PPARGC1A: variants seen among roughly 807,000 people sequenced by gnomAD.
PPARGC1A encodes peroxisome proliferator-activated receptor gamma coactivator 1-alpha.
Under a neutral mutation model 88.7 loss-of-function variants are expected in PPARGC1A, and 25 were observed. That is an observed-to-expected ratio of 0.28 (90% CI 0.21 to 0.39). PPARGC1A has a LOEUF of 0.39. PPARGC1A is among the 10% of genes least tolerant of loss of function. The pLI is 1.00. For synonymous variants in PPARGC1A, 363 were observed against 355.6 expected, an observed-to-expected ratio of 1.02 and a Z score of -0.24; for missense variants, 880 against 968.7, an observed-to-expected ratio of 0.91 and a Z score of 1.22.
chr4:24,101,578 G>T, the PPARGC1A span, among the ~76,000 whole-genome samples: 1 of 151,976 alleles, frequency 6.6e-6, no homozygotes, highest in Non-Finnish European at 1.5e-5. Context: ...AATATCACAC[G>T]TACCCCATAC....
chr4:23,908,396 T>G (rs1016546734), upstream of PPARGC1A, among the ~76,000 whole-genome samples: 2 of 152,004 alleles, frequency 1.3e-5, no homozygotes, highest in African/African-American at 4.8e-5. Flanking sequence ...CTACCCAAAG[T>G]TGAAAATAAG....
chr4:24,154,384 T>C, the PPARGC1A span, among the ~76,000 whole-genome samples: 1 of 152,184 alleles, frequency 6.6e-6, no homozygotes, highest in African/African-American at 2.4e-5. Flanking sequence ...TCAAATAAAT[T>C]AATCAAGCAA....
chr4:24,444,028 CGTTGTTGTTGTTATT>C, the PPARGC1A span, among the ~76,000 whole-genome samples: 3 of 151,954 alleles, frequency 2.0e-5, no homozygotes, highest in South Asian at 2.1e-4. Context: ...GTAATTTCGT[CGTTGTTGTTGTTATT>C]GTTGTTGTTG....
the PPARGC1A span, among the ~76,000 whole-genome samples, chr4:24,056,408 T>C: frequency 6.6e-6 from 1 of 152,232 alleles, no homozygotes; most frequent in East Asian, 1.9e-4. Flanking sequence ...TATTTCTCCT[T>C]TGCTTTGCTT....
chr4:24,063,682 G>T, the PPARGC1A span, among the ~76,000 whole-genome samples: 3 of 152,132 alleles, frequency 2.0e-5, no homozygotes, highest in Non-Finnish European at 4.4e-5. Context: ...TGAGAAAGAG[G>T]AGAGAAGGGG....
the PPARGC1A span, among the ~76,000 whole-genome samples, chr4:24,015,294 A>G: frequency 6.6e-6 from 1 of 151,754 alleles, no homozygotes; most frequent in African/African-American, 2.4e-5. Context: ...AGATAGAGGT[A>G]CAGGTTCCTT....
the PPARGC1A span, among the ~76,000 whole-genome samples, chr4:24,406,588 T>C: frequency 6.6e-6 from 1 of 152,214 alleles, no homozygotes; most frequent in Non-Finnish European, 1.5e-5. Flanking sequence ...GAACTAGTCA[T>C]CTCTCCCTTT....
the PPARGC1A span, among the ~76,000 whole-genome samples, chr4:24,169,948 A>T: frequency 6.6e-6 from 1 of 152,234 alleles, no homozygotes; most frequent in Non-Finnish European, 1.5e-5. Flanking sequence ...TTTAACTATG[A>T]TTTCTATACA....
chr4:23,946,095 T>C, the PPARGC1A span, among the ~76,000 whole-genome samples: 4 of 151,974 alleles, frequency 2.6e-5, no homozygotes, highest in African/African-American at 9.7e-5. Context: ...CCAGACAGAG[T>C]AGGGGCAAAG....
chr4:24,353,649 A>T, the PPARGC1A span, among the ~76,000 whole-genome samples: 1 of 152,188 alleles, frequency 6.6e-6, no homozygotes, highest in African/African-American at 2.4e-5. Context: ...TGTGAGAGTT[A>T]AGTAAGATCA....
chr4:24,254,018 ATCATCATCG>A, the PPARGC1A span, among the ~76,000 whole-genome samples: 1 of 152,200 alleles, frequency 6.6e-6, no homozygotes, highest in Non-Finnish European at 1.5e-5. Context: ...TATTATTTTT[ATCATCATCG>A]TCATCATGTA....
At chr4:24,137,891 T>A in the PPARGC1A span, among the ~76,000 whole-genome samples, 5 of 152,016 alleles carry the variant, frequency 3.3e-5, no homozygotes, top group South Asian at 2.1e-4. Flanking sequence ...CAAACACAGG[T>A]AAAACGACTT....
the PPARGC1A span, among the ~76,000 whole-genome samples, chr4:24,455,724 G>A: frequency 6.6e-6 from 1 of 152,166 alleles, no homozygotes; most frequent in Admixed American, 6.5e-5. Flanking sequence ...CTTATTATAA[G>A]AGGGAGCTCA....
chr4:24,069,498 G>A, the PPARGC1A span, among the ~76,000 whole-genome samples: 2 of 152,118 alleles, frequency 1.3e-5, no homozygotes, highest in East Asian at 3.9e-4. Flanking sequence ...AAGATGAATA[G>A]TGACACTGGT....
intron 2 of PPARGC1A, among the ~76,000 whole-genome samples, chr4:23,873,793 A>G (rs988469886): frequency 2.6e-5 from 4 of 152,146 alleles, no homozygotes; most frequent in African/African-American, 9.7e-5. Context: ...CTACAAGAAT[A>G]GAAAGAAAAA....
At chr4:24,169,070 T>C in the PPARGC1A span, among the ~76,000 whole-genome samples, 4 of 152,194 alleles carry the variant, frequency 2.6e-5, no homozygotes, top group African/African-American at 4.8e-5. Flanking sequence ...CAGTGATAAG[T>C]TGGGTTGATA....
At chr4:24,159,084 T>A in the PPARGC1A span, among the ~76,000 whole-genome samples, 766 of 152,276 alleles carry the variant, frequency 5.0e-3, 4 homozygotes, top group African/African-American at 0.017. Flanking sequence ...ATTTGCTGAA[T>A]GCTGGCTTTG....
upstream of PPARGC1A, among the ~76,000 whole-genome samples, chr4:23,899,969 T>C (rs899921538): frequency 2.6e-5 from 4 of 151,044 alleles, no homozygotes; most frequent in Non-Finnish European, 5.9e-5. Flanking sequence ...GAAAGAGAAA[T>C]AAATGTTTCT....
the PPARGC1A span, among the ~76,000 whole-genome samples, chr4:24,438,255 G>C: frequency 1.4e-5 from 2 of 143,748 alleles, no homozygotes; most frequent in Non-Finnish European, 2.9e-5. Context: ...GGAATTGCTG[G>C]GGTAATAAAA....
Sources: allele counts gnomAD v4.1 joint callset (sites outside exome capture counted in the v4.1 genomes callset), GRCh38; gene constraint gnomAD v4.1.1; transcripts MANE v1.5; gene names NCBI Gene and HGNC (gene_info 2026-07-23, HGNC 2026-07-21).